Variants in HMBOX1 observed in about 807,000 individuals in gnomAD.
HMBOX1 encodes the protein homeobox containing 1, also known as homeobox-containing protein 1.
A neutral mutation model predicts 54.5 loss-of-function variants in HMBOX1; 14 were observed. That is an observed-to-expected ratio of 0.26 (90% CI 0.17 to 0.40). The LOEUF is 0.40. Among genes scored for constraint, HMBOX1 ranks in the 10% least tolerant of loss-of-function variants. HMBOX1 has a pLI of 1.00. For missense variants in HMBOX1, 332 were observed against 514.4 expected (o/e 0.65, Z 3.43); for synonymous variants, 160 against 181.0 (o/e 0.88, Z 0.93).
intron 3 of HMBOX1, among the ~76,000 whole-genome samples, chr8:28,978,585 C>T (rs980011807): frequency 2.5e-4 from 38 of 152,066 alleles, no homozygotes; most frequent in African/African-American, 9.2e-4. Flanking sequence ...GAGTTCGAGA[C>T]CAGCCCGGCC....
At chr8:29,049,494 G>A (rs1267640827) in intron 9 of HMBOX1, 23 of 1,447,032 alleles carry the variant, frequency 1.6e-5, no homozygotes, top group African/African-American at 2.8e-5. Flanking sequence ...CACGATGGAA[G>A]GCCCCACTCA....
intron 1 of HMBOX1, among the ~76,000 whole-genome samples, chr8:28,926,785 T>G (rs748334686): frequency 8.5e-5 from 13 of 152,178 alleles, no homozygotes; most frequent in South Asian, 2.1e-4. Flanking sequence ...CCTCAATGGA[T>G]TCTCCCACCT....
chr8:28,959,237 C>A (rs1051751400), intron 1 of HMBOX1, among the ~76,000 whole-genome samples: 3 of 151,674 alleles, frequency 2.0e-5, no homozygotes, highest in Non-Finnish European at 4.4e-5. Context: ...CATCATTATT[C>A]TTGAGCTTTG....
At chr8:28,895,510 A>G (rs1014651348) in intron 1 of HMBOX1, among the ~76,000 whole-genome samples, 1 of 152,110 alleles carries the variant, frequency 6.6e-6, no homozygotes, top group African/African-American at 2.4e-5. Flanking sequence ...CCTTGTCTCT[A>G]CTGAAAAGAC....
chr8:29,047,571 T>TG, intron 8 of HMBOX1, 118 bp downstream of exon 8: 2 of 556,542 alleles, frequency 3.6e-6, no homozygotes, highest in East Asian at 6.4e-5. Context: ...TCTCTTTTTT[T>TG]TTTTTTTTTT....
intron 3 of HMBOX1, among the ~76,000 whole-genome samples, chr8:28,973,079 TCA>T (rs1406851902): frequency 4.6e-5 from 7 of 152,178 alleles, no homozygotes; most frequent in Non-Finnish European, 1.0e-4. Context: ...CATTGCACCC[TCA>T]CCCACTGCTG....
intron 6 of HMBOX1, among the ~76,000 whole-genome samples, chr8:29,037,221 G>C (rs1211305855): frequency 6.6e-6 from 1 of 152,130 alleles, no homozygotes; most frequent in Non-Finnish European, 1.5e-5. Context: ...AAGCTCATCT[G>C]TAAAAAATAC....
chr8:29,050,733 GATC>G (rs767036129), intron 9 of HMBOX1: 22 of 393,772 alleles, frequency 5.6e-5, no homozygotes, highest in African/African-American at 8.1e-5. Context: ...CTGCAGGTTT[GATC>G]ATCATCACCA....
Position 28,951,236 on chromosome 8 carries a change from G to A in HMBOX1, c.-57-12575G>A, listed in dbSNP as rs144868195. 2.9e-3 allele frequency among the ~76,000 whole-genome samples: 447 copies of A among 152,258 alleles called. 3 individuals carry two copies. The highest frequency in any genetic ancestry group is 0.01 in the African/African-American group (433 of 41,552). ...CACCCTCCACCTCCTGGGTTCAAGC[G>A]ATTCTCCTACCTCAGCCTCCCAAGT... On this transcript the variant is annotated intron_variant, in intron 1 of 9. Coordinates refer to ENST00000287701, the MANE Select transcript of HMBOX1 (RefSeq NM_001135726.3).
intron 8 of HMBOX1, 112 bp downstream of exon 8, chr8:29,047,565 T>A (rs1297383883): frequency 4.7e-5 from 4 of 84,556 alleles, no homozygotes; most frequent in Non-Finnish European, 9.6e-5. Context: ...CTAACTTCTC[T>A]TTTTTTTTTT....
chr8:28,960,633 T>G (rs1284834617), intron 1 of HMBOX1, among the ~76,000 whole-genome samples: 7 of 151,722 alleles, frequency 4.6e-5, no homozygotes, highest in African/African-American at 1.7e-4. Context: ...AAAAAAAAAT[T>G]ATTAAAGTAG....
intron 4 of HMBOX1, among the ~76,000 whole-genome samples, chr8:28,983,829 A>G (rs1829779558): frequency 6.6e-6 from 1 of 152,190 alleles, no homozygotes; most frequent in Non-Finnish European, 1.5e-5. Context: ...TTTTTCCTTT[A>G]TCTACTTCAG....
chr8:28,992,257 G>A (rs180785334), intron 4 of HMBOX1, among the ~76,000 whole-genome samples: 1 of 152,274 alleles, frequency 6.6e-6, no homozygotes, highest in East Asian at 1.9e-4. Flanking sequence ...AATAACAACA[G>A]TACCTACCTA....
intron 1 of HMBOX1, among the ~76,000 whole-genome samples, chr8:28,947,239 T>C (rs1822630718): frequency 2.0e-5 from 3 of 152,204 alleles, no homozygotes; most frequent in Admixed American, 2.0e-4. Context: ...TTCAGAGAAA[T>C]AAACTGTTGT....
rs188532849 is a variant in HMBOX1, at chr8:29,030,323, T to C, written c.851+11410T>C. Reference sequence around the variant, plus strand: ...ACATCCGCCTCCCAGGTTCAAGTGATTCTCCTGCCTCAGCCTCCCGAGAAG... The same window carrying C: ...ACATCCGCCTCCCAGGTTCAAGTGACTCTCCTGCCTCAGCCTCCCGAGAAG... On this transcript the variant is annotated intron_variant, in intron 6 of 9. Coordinates refer to ENST00000287701, the MANE Select transcript of HMBOX1 (RefSeq NM_001135726.3). Among the ~76,000 whole-genome samples the C allele has an allele frequency of 2.9e-3, 439 of 152,188 alleles. 2 individuals are homozygous for C. The highest frequency in any genetic ancestry group is 0.01 in the African/African-American group (425 of 41,508).
intron 1 of HMBOX1, among the ~76,000 whole-genome samples, chr8:28,919,158 TG>T (rs1157451647): frequency 1.3e-5 from 2 of 152,208 alleles, no homozygotes; most frequent in East Asian, 3.8e-4. Context: ...TGTTTTTGAC[TG>T]TGCCTTTGTT....
At chr8:28,921,744 T>C (rs1817600463) in intron 1 of HMBOX1, among the ~76,000 whole-genome samples, 1 of 152,192 alleles carries the variant, frequency 6.6e-6, no homozygotes, top group Non-Finnish European at 1.5e-5. Flanking sequence ...AGGAAGCTTA[T>C]AAAAATAAAA....
intron 2 of HMBOX1, among the ~76,000 whole-genome samples, chr8:28,965,834 T>A (rs1032885119): frequency 6.6e-6 from 1 of 152,200 alleles, no homozygotes; most frequent in African/African-American, 2.4e-5. Flanking sequence ...AACTCACATA[T>A]GCAGTTTGAC....
intron 1 of HMBOX1, among the ~76,000 whole-genome samples, chr8:28,960,475 A>C (rs1825270630): frequency 6.6e-6 from 1 of 151,890 alleles, no homozygotes. Context: ...GGGAAAAAAA[A>C]ACTTCTTTGT....
Sources: allele counts gnomAD v4.1 joint callset (sites outside exome capture counted in the v4.1 genomes callset), GRCh38; gene constraint gnomAD v4.1.1; transcripts MANE v1.5; gene names NCBI Gene and HGNC (gene_info 2026-07-23, HGNC 2026-07-21).